EIF4EBP2: variants seen among roughly 807,000 people sequenced by gnomAD.
The protein encoded by EIF4EBP2 is eukaryotic translation initiation factor 4E binding protein 2.
EIF4EBP2 carries 5 observed loss-of-function variants against 10.3 expected under a neutral mutation model. That is an observed-to-expected ratio of 0.48 (90% CI 0.25 to 1.02). The LOEUF (loss-of-function observed/expected upper bound fraction) is 1.02. Ranked by LOEUF, EIF4EBP2 falls within the 50% of genes least tolerant of loss-of-function variation. The pLI is 0.15. For missense variants in EIF4EBP2, 188 were observed against 162.2 expected, an observed-to-expected ratio of 1.16 and a Z score of -0.86; for synonymous variants, 67 against 61.1, an observed-to-expected ratio of 1.10 and a Z score of -0.45.
chr10:70,419,939 G>C lies in EIF4EBP2; in HGVS notation c.171G>C (p.Lys57Asn). The change falls in exon 2 of 3, where the codon AAG becomes AAC. Residue 57 changes from lysine to asparagine, a missense_variant. Coordinates refer to ENST00000373218, the MANE Select transcript of EIF4EBP2 (RefSeq NM_004096.5). ...GAACTCGAATCATTTATGACAGAAA[G>C]TTTCTGTTGGATCGTCGCAATTCTC... ...PGGTRIIYDRKFLLDRRNSPM... is the reference protein window; with the variant it reads ...PGGTRIIYDRNFLLDRRNSPM... The C allele has an allele frequency of 6.3e-7, 1 of 1,589,136 alleles. No individual in the cohort carries two copies. The highest frequency in any genetic ancestry group is 8.5e-7 in the Non-Finnish European group (1 of 1,171,766).
At chr10:70,416,902 A>G (rs1446996457) in intron 1 of EIF4EBP2, among the ~76,000 whole-genome samples, 3 of 152,132 alleles carry the variant, frequency 2.0e-5, no homozygotes, top group African/African-American at 4.8e-5. Flanking sequence ...TGTGAGGTCA[A>G]GTAATACACG....
chr10:70,416,696 C>T (rs1189561987), intron 1 of EIF4EBP2, among the ~76,000 whole-genome samples: 2 of 133,844 alleles, frequency 1.5e-5, no homozygotes, highest in Non-Finnish European at 3.1e-5. Context: ...GACAGGGTCT[C>T]ACTCTGTCAT....
chr10:70,416,722 T>C (rs1845100235), intron 1 of EIF4EBP2, among the ~76,000 whole-genome samples: 1 of 149,318 alleles, frequency 6.7e-6, no homozygotes, highest in South Asian at 2.1e-4. Flanking sequence ...CTGAGTGCAG[T>C]GGTGCAATCA....
chr10:70,414,401 T>C (rs985490156), intron 1 of EIF4EBP2, among the ~76,000 whole-genome samples: 2 of 152,216 alleles, frequency 1.3e-5, no homozygotes, highest in African/African-American at 4.8e-5. Flanking sequence ...TTTTCCTGGC[T>C]ATATTTGAGA....
At chr10:70,408,651 C>T (rs1415581111) in intron 1 of EIF4EBP2, among the ~76,000 whole-genome samples, 1 of 152,184 alleles carries the variant, frequency 6.6e-6, no homozygotes, top group Non-Finnish European at 1.5e-5. Context: ...TGGCCACCTC[C>T]AGACTCCTGG....
chr10:70,417,018 A>G (rs4558092), intron 1 of EIF4EBP2, among the ~76,000 whole-genome samples: 54,794 of 151,958 alleles, frequency 0.36, 11,468 homozygotes, highest in East Asian at 0.62. Context: ...TCACATGAAA[A>G]CTTGTACGTG....
Position 70,427,086 on chromosome 10 carries a change from G to C in EIF4EBP2, c.*5339G>C, listed in dbSNP as rs1048337064. 1 of 152,184 alleles carries C rather than the reference G, an allele frequency of 6.6e-6. No homozygotes were observed. Among genetic ancestry groups the C allele is most frequent in the African/African-American group, 2.4e-5 (1 of 41,440 alleles). 9.4% of individuals were successfully genotyped at this position (152,184 alleles called of 1,614,324 possible). On this transcript the variant is annotated 3_prime_UTR_variant, in exon 3 of 3. Coordinates refer to ENST00000373218, the MANE Select transcript of EIF4EBP2 (RefSeq NM_004096.5). ...GCTCTTAGCCCTTTGCATTCCCCTT[G>C]AGCGAGGAAGCCACACTGCCTTTCT...
rs1036056814 is a variant in EIF4EBP2 at position 70,428,463 on chromosome 10, G to A, written c.*6716G>A. 3 of 152,078 alleles carry A rather than the reference G, an allele frequency of 2.0e-5. No individual in the cohort carries two copies. Among genetic ancestry groups the A allele is most frequent in the South Asian group, 2.1e-4 (1 of 4,822 alleles). 9.4% of individuals were successfully genotyped at this position (152,078 alleles called of 1,614,324 possible). A position where few individuals can be genotyped will look rare whatever the true frequency, so the allele number is the denominator to read the frequency against. On this transcript the variant is annotated 3_prime_UTR_variant, in exon 3 of 3. Coordinates refer to ENST00000373218, the MANE Select transcript of EIF4EBP2 (RefSeq NM_004096.5). The stretch of plus-strand genomic sequence containing the variant: ...GTGGATGGATAGCAGAGGGTACCAC[G>A]CAGTCCTTGAGGCAGTCCTGTGTGA...
chr10:70,409,075 T>TC (rs1327899663), intron 1 of EIF4EBP2, among the ~76,000 whole-genome samples: 1 of 152,138 alleles, frequency 6.6e-6, no homozygotes, highest in Non-Finnish European at 1.5e-5. Context: ...TTAGAGTTTC[T>TC]CCCCCTTGAA....
rs967350858 is a variant in EIF4EBP2 at position 70,428,353 on chromosome 10, C to T, written c.*6606C>T. ...GTTCCATCCATTCTGAATGGAAAAGCGGAGACTGCCAGCACTTTCCTTGGT... is the reference window on the plus strand; with the variant it reads ...GTTCCATCCATTCTGAATGGAAAAGTGGAGACTGCCAGCACTTTCCTTGGT... On this transcript the variant is annotated 3_prime_UTR_variant, in exon 3 of 3. Transcript: ENST00000373218. The T allele has an allele frequency of 1.2e-4, 19 of 152,092 alleles. No homozygotes were observed. Among genetic ancestry groups the T allele is most frequent in the African/African-American group, 4.3e-4 (18 of 41,402 alleles). The allele number at this position is 152,092 out of a possible 1,614,324, so 9.4% of individuals were successfully genotyped here.
intron 1 of EIF4EBP2, 62 bp downstream of exon 1, chr10:70,404,608 CGCCTCGGT>C (rs1256830633): frequency 6.9e-7 from 1 of 1,450,268 alleles, no homozygotes; most frequent in African/African-American, 1.5e-5. Flanking sequence ...AACTCCTCGG[CGCCTCGGT>C]GCCCGGCCGC....
intron 2 of EIF4EBP2, among the ~76,000 whole-genome samples, chr10:70,421,262 C>A (rs1409253748): frequency 6.6e-6 from 1 of 152,190 alleles, no homozygotes; most frequent in African/African-American, 2.4e-5. Context: ...GTAGGAGTGG[C>A]CAGCTCCTGA....
rs1409638675 is a variant in EIF4EBP2, at chr10:70,423,625, GA to G, written c.*1881del. 2 of 152,372 alleles carry G rather than the reference GA, an allele frequency of 1.3e-5. No individual in the cohort carries two copies. Among genetic ancestry groups the G allele is most frequent in the African/African-American group, 4.8e-5 (2 of 41,438 alleles). 9.4% of individuals were successfully genotyped at this position (152,372 alleles called of 1,614,324 possible). ...AGTAACAGGCCATTTGGCCAAGAAA[GA>G]AACCTGTTTGTTTTTCTTTTGAACT... On this transcript the variant is annotated 3_prime_UTR_variant, in exon 3 of 3. Coordinates refer to ENST00000373218, the MANE Select transcript of EIF4EBP2 (RefSeq NM_004096.5).
At chr10:70,405,990 G>C (rs2137221644) in intron 1 of EIF4EBP2, among the ~76,000 whole-genome samples, 1 of 152,268 alleles carries the variant, frequency 6.6e-6, no homozygotes, top group African/African-American at 2.4e-5. Context: ...ACCAACTCGT[G>C]TTTGAGCATG....
At position 70,426,342 on chromosome 10, in the gene EIF4EBP2, C is replaced by T. The variant is rs1845206013; in HGVS notation, c.*4595C>T. ...CTGGAGTGCAGTGGTGCGATCTCAG[C>T]TCACTGCAGCCTCTGCTTCCCAGGT... On this transcript the variant is annotated 3_prime_UTR_variant, in exon 3 of 3. Transcript: ENST00000373218. 2 of 152,290 alleles carry T rather than the reference C, an allele frequency of 1.3e-5. No homozygotes were observed. Among genetic ancestry groups the T allele is most frequent in the Non-Finnish European group, 2.9e-5 (2 of 68,094 alleles). 9.4% of individuals were successfully genotyped at this position (152,290 alleles called of 1,614,324 possible).
rs1398903094 is a variant in EIF4EBP2, at chr10:70,425,906, T to C, written c.*4159T>C. 6.6e-6 allele frequency: 1 copy of C among 152,118 alleles called. No individual in the cohort carries two copies. The highest frequency in any genetic ancestry group is 2.4e-5 in the African/African-American group (1 of 41,408). The allele number at this position is 152,118 out of a possible 1,614,324, so 9.4% of individuals were successfully genotyped here. ...TCAGGAAGCCAGGTTCCCACCAGAG[T>C]CGGTGCTTGGTACCTGGTCTCTCCA... is the stretch of plus-strand genomic sequence containing the variant. On this transcript the variant is annotated 3_prime_UTR_variant, in exon 3 of 3. Transcript: ENST00000373218.
intron 1 of EIF4EBP2, among the ~76,000 whole-genome samples, chr10:70,419,556 C>G (rs1318354125): frequency 6.7e-6 from 1 of 149,710 alleles, no homozygotes; most frequent in Non-Finnish European, 1.5e-5. Flanking sequence ...ATAAGAAACT[C>G]AGAGTCTATA....
rs75261765 is a variant in EIF4EBP2 at position 70,411,562 on chromosome 10, A to C, written c.145+7016A>C. 5.0e-3 allele frequency among the ~76,000 whole-genome samples: 759 copies of C among 152,268 alleles called. 6 individuals carry two copies. Among genetic ancestry groups the C allele is most frequent in the African/African-American group, 0.018 (733 of 41,544 alleles). ...AACTCATTTAGCTAATGTGCACTGC[A>C]GCCTTGACCTCCTGGGCTCAGCCTC... On this transcript the variant is annotated intron_variant, in intron 1 of 2. Coordinates refer to ENST00000373218, the MANE Select transcript of EIF4EBP2 (RefSeq NM_004096.5).
At chr10:70,410,590 A>G (rs941251320) in intron 1 of EIF4EBP2, among the ~76,000 whole-genome samples, 4 of 152,262 alleles carry the variant, frequency 2.6e-5, no homozygotes, top group African/African-American at 9.6e-5. Flanking sequence ...AAGTTCATTC[A>G]TGAATGTTCT....
Sources: gnomAD v4.1 joint callset for allele counts (sites outside exome capture counted in the v4.1 genomes callset) on GRCh38, gnomAD v4.1.1 for gene constraint, MANE v1.5 for transcripts, NCBI Gene and HGNC (gene_info 2026-07-23, HGNC 2026-07-21) for gene names.